MTUS2: variants seen among roughly 807,000 people sequenced by gnomAD.
MTUS2 encodes microtubule-associated tumor suppressor candidate 2.
MTUS2 carries 40 observed loss-of-function variants against 114.1 expected under a neutral mutation model. The observed-to-expected ratio is 0.35, with a 90% CI of 0.27 to 0.46. MTUS2 has a LOEUF of 0.46. Among genes scored for constraint, MTUS2 ranks in the 20% least tolerant of loss-of-function variants. MTUS2 has a pLI of 1.00. For synonymous variants in MTUS2, 688 were observed against 672.0 expected (o/e 1.02, Z -0.37); for missense variants, 1,679 against 1,705.4 (o/e 0.98, Z 0.27).
At chr13:29,398,477 A>G (rs1477335441) in intron 8 of MTUS2, among the ~76,000 whole-genome samples, 2 of 115,864 alleles carry the variant, frequency 1.7e-5, no homozygotes, top group Non-Finnish European at 4.0e-5. Flanking sequence ...TAAAAAAAAA[A>G]AAAGAAAGAA....
chr13:29,338,071 T>C (rs112752482), intron 7 of MTUS2, among the ~76,000 whole-genome samples: 11,390 of 150,712 alleles, frequency 0.076, 1,357 homozygotes, highest in African/African-American at 0.25. Context: ...GGATTACAGG[T>C]GTGAGCCACT....
chr13:29,490,369 C>A (rs1311436214), intron 11 of MTUS2, among the ~76,000 whole-genome samples: 3 of 152,202 alleles, frequency 2.0e-5, no homozygotes, highest in Non-Finnish European at 4.4e-5. Flanking sequence ...CGCTACCATT[C>A]TGAGCATATG....
At chr13:29,373,202 A>G (rs1430702128) in intron 8 of MTUS2, among the ~76,000 whole-genome samples, 2 of 152,194 alleles carry the variant, frequency 1.3e-5, no homozygotes, top group Non-Finnish European at 2.9e-5. Context: ...TCATTTCCCC[A>G]TACCCTAATC....
chr13:29,290,411 C>T (rs1282809679), intron 6 of MTUS2, among the ~76,000 whole-genome samples: 1 of 152,104 alleles, frequency 6.6e-6, no homozygotes, highest in Non-Finnish European at 1.5e-5. Flanking sequence ...CTCACTGCAA[C>T]CTCCGCCTCC....
rs117156123 is a variant in MTUS2 at position 29,066,984 on chromosome 13, T to C, written c.2446+32859T>C. The stretch of plus-strand genomic sequence containing the variant: ...ATAGATCTGTCAAGGAGGGAGGCTG[T>C]CAATTTGGGTTATTAGGATCCCTTA... On this transcript the variant is annotated intron_variant, in intron 4 of 15. Coordinates refer to ENST00000612955, the MANE Select transcript of MTUS2 (RefSeq NM_001033602.4). Among the ~76,000 whole-genome samples, 17 of 152,316 alleles carry C rather than the reference T, an allele frequency of 1.1e-4. No homozygotes were observed. In the East Asian group the frequency reaches 3.1e-3, roughly 28 times the overall value.
intron 2 of MTUS2, among the ~76,000 whole-genome samples, chr13:28,965,525 T>G (rs1283881900): frequency 6.6e-6 from 1 of 152,202 alleles, no homozygotes; most frequent in Admixed American, 6.5e-5. Context: ...TTGGTTGTAT[T>G]AGAGCTCTTC....
In MTUS2 at chr13:28,885,948, CAG is replaced by C. The variant is rs1457503439; in HGVS notation, c.-243+46099_-243+46100del. 2.6e-5 allele frequency among the ~76,000 whole-genome samples: 4 copies of C among 152,136 alleles called. No homozygotes were observed. The East Asian group carries it at 7.7e-4, about 29-fold the overall frequency. Reference sequence around the variant, plus strand: ...TGATATTTCATCAGGGAGAGCCTCACAGGGTGGGTGACACTGGGCCACCTGGA... The same window carrying C: ...TGATATTTCATCAGGGAGAGCCTCACGGTGGGTGACACTGGGCCACCTGGA... On this transcript the variant is annotated intron_variant, in intron 2 of 15. Coordinates refer to ENST00000612955, the MANE Select transcript of MTUS2 (RefSeq NM_001033602.4).
At chr13:28,996,742 A>G (rs1885129341) in intron 2 of MTUS2, among the ~76,000 whole-genome samples, 1 of 152,054 alleles carries the variant, frequency 6.6e-6, no homozygotes, top group Non-Finnish European at 1.5e-5. Context: ...ATTGGTGATG[A>G]TATCCCCTTT....
chr13:29,440,382 AGATGTTCC>A (rs1877745557), intron 9 of MTUS2, among the ~76,000 whole-genome samples: 1 of 152,248 alleles, frequency 6.6e-6, no homozygotes, highest in African/African-American at 2.4e-5. Flanking sequence ...TGCAAGATGC[AGATGTTCC>A]ATGGCTTCCT....
intron 5 of MTUS2, among the ~76,000 whole-genome samples, chr13:29,205,413 T>A (rs564456270): frequency 1.3e-5 from 2 of 152,182 alleles, no homozygotes; most frequent in African/African-American, 4.8e-5. Context: ...TTGTTTATTT[T>A]TTTAATTATT....
chr13:28,951,149 T>C (rs1882789299), intron 2 of MTUS2, among the ~76,000 whole-genome samples: 1 of 152,168 alleles, frequency 6.6e-6, no homozygotes, highest in Non-Finnish European at 1.5e-5. Context: ...TGTACACTAA[T>C]AATGAACATT....
intron 5 of MTUS2, among the ~76,000 whole-genome samples, chr13:29,138,458 A>G (rs1413328065): frequency 6.8e-6 from 1 of 148,104 alleles, no homozygotes; most frequent in Non-Finnish European, 1.5e-5. Flanking sequence ...TATATAAATA[A>G]AAGATATGTA....
intron 9 of MTUS2, among the ~76,000 whole-genome samples, chr13:29,478,126 A>T (rs1275648482): frequency 6.6e-6 from 1 of 152,200 alleles, no homozygotes; most frequent in Non-Finnish European, 1.5e-5. Context: ...AGTCAAGGAA[A>T]GACTGAGGAA....
At chr13:29,306,897 C>T (rs1899493667) in intron 6 of MTUS2, 1 of 517,628 alleles carries the variant, frequency 1.9e-6, no homozygotes, top group Non-Finnish European at 3.8e-6. Flanking sequence ...TCATTGACCT[C>T]AACTACATGG....
chr13:28,862,822 T>G (rs1184299003), intron 2 of MTUS2, among the ~76,000 whole-genome samples: 2 of 152,060 alleles, frequency 1.3e-5, no homozygotes, highest in African/African-American at 4.8e-5. Flanking sequence ...GAATAAAAAT[T>G]TTATATACAA....
chr13:29,043,071 C>CT (rs1158144671), intron 4 of MTUS2, among the ~76,000 whole-genome samples: 1 of 151,694 alleles, frequency 6.6e-6, no homozygotes, highest in Non-Finnish European at 1.5e-5. Flanking sequence ...TCTGTTTGTC[C>CT]TTTTTCCAAT....
At chr13:28,939,467 A>G (rs1186215766) in intron 2 of MTUS2, among the ~76,000 whole-genome samples, 1 of 152,182 alleles carries the variant, frequency 6.6e-6, no homozygotes, top group Non-Finnish European at 1.5e-5. Context: ...TTGCAATACT[A>G]ATTGTTTCTG....
rs546335141 is a variant in MTUS2 at position 29,074,143 on chromosome 13, C to T, written c.2447-26630C>T. Among the ~76,000 whole-genome samples, 77 of 152,246 alleles carry T rather than the reference C, an allele frequency of 5.1e-4. No individual in the cohort carries two copies. The South Asian group carries it at 0.016, about 31-fold the overall frequency. ...CCTCCTTTAAAATTCTTTGTTGGCTCCACATTGCTGTCAGAAGAAGGGCCA... is the reference window on the plus strand; with the variant it reads ...CCTCCTTTAAAATTCTTTGTTGGCTTCACATTGCTGTCAGAAGAAGGGCCA... On this transcript the variant is annotated intron_variant, in intron 4 of 15. Coordinates refer to ENST00000612955, the MANE Select transcript of MTUS2 (RefSeq NM_001033602.4).
intron 6 of MTUS2, among the ~76,000 whole-genome samples, chr13:29,302,127 G>T (rs187644245): frequency 6.6e-4 from 100 of 152,266 alleles, no homozygotes; most frequent in African/African-American, 2.1e-3. Flanking sequence ...AATGAAAAGG[G>T]GCAAGTGAAT....
Sources: gnomAD v4.1 joint callset for allele counts (sites outside exome capture counted in the v4.1 genomes callset) on GRCh38, gnomAD v4.1.1 for gene constraint, MANE v1.5 for transcripts, NCBI Gene and HGNC (gene_info 2026-07-23, HGNC 2026-07-21) for gene names.